Variants in TRPC5OS observed in about 807,000 individuals in gnomAD.
TRPC5OS encodes TRPC5 opposite strand.
For synonymous variants in TRPC5OS, 30 were observed against 29.3 expected, an observed-to-expected ratio of 1.02 and a Z score of -0.08; for missense variants, 64 against 79.3, an observed-to-expected ratio of 0.81 and a Z score of 0.73.
rs185085330 is a variant in TRPC5OS, at chrX:111,876,229, A to G, written c.-590A>G. On this transcript the variant is annotated 5_prime_UTR_variant, in exon 1 of 4. Transcript: ENST00000635763. The stretch of plus-strand genomic sequence containing the variant: ...TACAGCTCTGATGTTTCTGGTAGCC[A>G]TCTTTTTCTAATATCTCTGTGAAGG... The G allele has an allele frequency of 3.3e-3, 366 of 110,934 alleles. 2 individuals are homozygous for G. Among genetic ancestry groups the G allele is most frequent in the African/African-American group, 0.012 (357 of 30,515 alleles). 9.1% of individuals were successfully genotyped at this position (110,934 alleles called of 1,213,427 possible).
intron 1 of TRPC5OS, among the ~76,000 whole-genome samples, chrX:111,889,609 G>A (rs1233185490): frequency 1.8e-5 from 2 of 111,980 alleles, no homozygotes; most frequent in Admixed American, 1.9e-4. Context: ...CTTTACCCAT[G>A]TTTAAAATGC....
intron 3 of TRPC5OS, among the ~76,000 whole-genome samples, chrX:111,899,982 A>T (rs1925259435): frequency 9.1e-6 from 1 of 110,475 alleles, no homozygotes; most frequent in Non-Finnish European, 1.9e-5. Context: ...GACAAACCCC[A>T]TGTGTACTGG....
chrX:111,902,253 A>G lies in TRPC5OS; in HGVS notation c.*68A>G. The G allele has an allele frequency of 1.4e-6, 1 of 715,598 alleles. No individual in the cohort carries two copies. The highest frequency in any genetic ancestry group is 3.5e-5 in the South Asian group (1 of 28,618). 59.0% of individuals were successfully genotyped at this position (715,598 alleles called of 1,213,427 possible). A position where few individuals can be genotyped will look rare whatever the true frequency, so the allele number is the denominator to read the frequency against. Reference sequence around the variant, plus strand: ...CATTTCTCTGTTTTAATATATTCTTATTTTCTGTATATTAGCAATATGTGT... The same window carrying G: ...CATTTCTCTGTTTTAATATATTCTTGTTTTCTGTATATTAGCAATATGTGT... On this transcript the variant is annotated 3_prime_UTR_variant, in exon 4 of 4. Coordinates refer to ENST00000635763, the MANE Select transcript of TRPC5OS (RefSeq NM_001195578.2).
At position 111,898,296 on chromosome X, in the gene TRPC5OS, C is replaced by T. The variant is rs899520466; in HGVS notation, c.-311+1801C>T. On this transcript the variant is annotated intron_variant, in intron 3 of 3. Coordinates refer to ENST00000635763, the MANE Select transcript of TRPC5OS (RefSeq NM_001195578.2). ...ATATATAGACACACACGCGTGTGTG[C>T]GCACACACACACATATATCTGACAA... is the stretch of plus-strand genomic sequence containing the variant. 2.4e-4 allele frequency among the ~76,000 whole-genome samples: 22 copies of T among 91,795 alleles called. No homozygotes were observed. The East Asian group carries it at 4.3e-3, about 18-fold the overall frequency. 79.7% of individuals were successfully genotyped at this position (91,795 alleles called of 115,157 possible). A position where few individuals can be genotyped will look rare whatever the true frequency, so the allele number is the denominator to read the frequency against.
Position 111,902,691 on chromosome X carries a change from G to C in TRPC5OS, c.*506G>C, listed in dbSNP as rs1224452271. On this transcript the variant is annotated 3_prime_UTR_variant, in exon 4 of 4. Transcript: ENST00000635763. Reference sequence around the variant, plus strand: ...TTACTTATCCTTTAAGAAAGCATGTGTCCGACAAAAAATGCTATAGCAGAC... The same window carrying C: ...TTACTTATCCTTTAAGAAAGCATGTCTCCGACAAAAAATGCTATAGCAGAC... 1 of 112,090 alleles carries C rather than the reference G, an allele frequency of 8.9e-6. No homozygotes were observed. The highest frequency in any genetic ancestry group is 2.8e-4 in the East Asian group (1 of 3,588). 9.2% of individuals were successfully genotyped at this position (112,090 alleles called of 1,213,427 possible). A position where few individuals can be genotyped will look rare whatever the true frequency, so the allele number is the denominator to read the frequency against.
intron 3 of TRPC5OS, among the ~76,000 whole-genome samples, chrX:111,900,394 T>C (rs1301970070): frequency 3.6e-5 from 4 of 111,816 alleles, no homozygotes; most frequent in Admixed American, 1.9e-4. Flanking sequence ...AGAAAAAAAC[T>C]GGTCAAAGGT....
chrX:111,892,482 A>G (rs892896414), intron 1 of TRPC5OS, among the ~76,000 whole-genome samples: 2 of 112,328 alleles, frequency 1.8e-5, no homozygotes, highest in African/African-American at 6.5e-5. Flanking sequence ...AGGCATAGCC[A>G]ATGTGTAGCC....
intron 1 of TRPC5OS, among the ~76,000 whole-genome samples, chrX:111,884,536 A>C (rs972961677): frequency 1.8e-5 from 2 of 113,017 alleles, no homozygotes; most frequent in Non-Finnish European, 3.7e-5. Context: ...GCCAAAGCCC[A>C]GTTAAGGTTT....
rs1925357645 is a variant in TRPC5OS, at chrX:111,901,775, A to G, written c.-75A>G. ...CACAGAACCATTGTTAGCCCCTTATACTATCCATTGTCACCAAGAGTCCAT... is the reference window on the plus strand; with the variant it reads ...CACAGAACCATTGTTAGCCCCTTATGCTATCCATTGTCACCAAGAGTCCAT... On this transcript the variant is annotated 5_prime_UTR_variant, in exon 4 of 4. It adds an upstream start codon to the 5' untranslated region. Transcript: ENST00000635763. 1.2e-6 allele frequency: 1 copy of G among 827,952 alleles called. No homozygotes were observed. Among genetic ancestry groups the G allele is most frequent in the Non-Finnish European group, 1.6e-6 (1 of 609,013 alleles). The allele number at this position is 827,952 out of a possible 1,213,427, so 68.2% of individuals were successfully genotyped here.
rs1373835557 is a variant in TRPC5OS at position 111,901,859 on chromosome X, G to A, written c.10G>A (p.Val4Met). 8.8e-7 allele frequency: 1 copy of A among 1,133,747 alleles called. No individual in the cohort carries two copies. Among genetic ancestry groups the A allele is most frequent in the Non-Finnish European group, 1.2e-6 (1 of 861,279 alleles). 93.4% of individuals were successfully genotyped at this position (1,133,747 alleles called of 1,213,427 possible). The change falls in exon 4 of 4, where the codon GTG becomes ATG. Residue 4 changes from valine (V) to methionine (M), a missense_variant. By Grantham distance (21) the Val-to-Met change is conservative (BLOSUM62 1). Transcript: ENST00000635763. ...AGAAGAGCACTGCAGCATGGATTCT[G>A]TGTTAATTCATGTACTCATTGATGG... MDS[V>M]LIHVLIDGLV...
At chrX:111,888,282 G>T (rs1432904043) in intron 1 of TRPC5OS, among the ~76,000 whole-genome samples, 2 of 110,630 alleles carry the variant, frequency 1.8e-5, no homozygotes, top group African/African-American at 6.6e-5. Flanking sequence ...TAAGGATTTG[G>T]GTTTTATGCT....
chrX:111,896,324 T>C (rs1925059119), intron 2 of TRPC5OS, 83 bp from the exon 3 acceptor site: 1 of 110,719 alleles, frequency 9.0e-6, no homozygotes, highest in South Asian at 3.9e-4. Flanking sequence ...ATCTCGTCCT[T>C]GCTTATCCTT....
At chrX:111,880,040 C>A (rs188551198) in intron 1 of TRPC5OS, among the ~76,000 whole-genome samples, 361 of 110,686 alleles carry the variant, frequency 3.3e-3, no homozygotes, top group African/African-American at 0.011. Context: ...TAGGAAAAAT[C>A]TCTGTTTTCA....
At chrX:111,883,228 G>C (rs1487284273) in intron 1 of TRPC5OS, among the ~76,000 whole-genome samples, 2 of 112,709 alleles carry the variant, frequency 1.8e-5, no homozygotes, top group South Asian at 7.3e-4. Context: ...TTTTGGTCCA[G>C]TTATAACCCA....
At chrX:111,887,758 C>A (rs901248510) in intron 1 of TRPC5OS, among the ~76,000 whole-genome samples, 1 of 112,012 alleles carries the variant, frequency 8.9e-6, no homozygotes, top group Non-Finnish European at 1.9e-5. Context: ...TTAGTCCTTA[C>A]AAATTATTAG....
chrX:111,891,545 A>T (rs1466750681), intron 1 of TRPC5OS, among the ~76,000 whole-genome samples: 10 of 110,406 alleles, frequency 9.1e-5, no homozygotes, highest in African/African-American at 3.3e-4. Context: ...TGTTTATTTT[A>T]TTTTTTTATT....
chrX:111,892,451 G>A (rs931645144), intron 1 of TRPC5OS, among the ~76,000 whole-genome samples: 12 of 112,172 alleles, frequency 1.1e-4, no homozygotes, highest in African/African-American at 3.6e-4. Context: ...GGCATTCTCT[G>A]TGCAACTGGC....
intron 1 of TRPC5OS, among the ~76,000 whole-genome samples, chrX:111,881,043 TGCC>T (rs1420782051): frequency 3.6e-5 from 4 of 112,280 alleles, no homozygotes; most frequent in African/African-American, 9.7e-5. Flanking sequence ...TCTTCTAAAA[TGCC>T]AATTGCACAT....
At chrX:111,886,697 A>G (rs1924514923) in intron 1 of TRPC5OS, among the ~76,000 whole-genome samples, 1 of 111,921 alleles carries the variant, frequency 8.9e-6, no homozygotes, top group South Asian at 3.8e-4. Context: ...GGCCAAAGAA[A>G]GAGATCAAGG....
Sources: allele counts gnomAD v4.1 joint callset (sites outside exome capture counted in the v4.1 genomes callset), GRCh38; gene constraint gnomAD v4.1.1; transcripts MANE v1.5; gene names NCBI Gene and HGNC (gene_info 2026-07-23, HGNC 2026-07-21).